NRG3: variants seen among roughly 807,000 people sequenced by gnomAD.
The protein encoded by NRG3 is neuregulin 3.
In NRG3, 31 loss-of-function variants were observed where a neutral mutation model predicts 66.9. The ratio of observed to expected loss-of-function variants is 0.46; its 90% CI spans 0.35 to 0.63. The LOEUF (loss-of-function observed/expected upper bound fraction) is 0.63, where lower values mean the gene tolerates loss of function less well. Ranked by LOEUF, NRG3 falls within the 20% of genes least tolerant of loss-of-function variation. The pLI, the probability that NRG3 is intolerant of heterozygous loss-of-function variation, is 0.00. For synonymous variants in NRG3, 393 were observed against 359.4 expected, an observed-to-expected ratio of 1.09 and a Z score of -1.06; for missense variants, 910 against 878.9, an observed-to-expected ratio of 1.04 and a Z score of -0.45.
At chr10:82,706,731 C>A (rs557402739) in intron 2 of NRG3, among the ~76,000 whole-genome samples, 3 of 152,128 alleles carry the variant, frequency 2.0e-5, no homozygotes, top group Non-Finnish European at 2.9e-5. Flanking sequence ...TGGTGGCTCA[C>A]GCCTTTAATC....
At chr10:82,893,171 A>C (rs937640676) in intron 4 of NRG3, among the ~76,000 whole-genome samples, 1 of 152,198 alleles carries the variant, frequency 6.6e-6, no homozygotes, top group Non-Finnish European at 1.5e-5. Context: ...GTTTCCAGGA[A>C]CATATCATTT....
At chr10:81,997,132 T>C (rs1402697942) in intron 1 of NRG3, among the ~76,000 whole-genome samples, 1 of 152,188 alleles carries the variant, frequency 6.6e-6, no homozygotes, top group East Asian at 1.9e-4. Flanking sequence ...GACTCATTCA[T>C]CTGCTAAGAG....
intron 1 of NRG3, among the ~76,000 whole-genome samples, chr10:82,015,624 C>T (rs1333401508): frequency 2.0e-5 from 3 of 151,932 alleles, no homozygotes; most frequent in African/African-American, 7.3e-5. Context: ...CGGCACTTCT[C>T]CTTTCTGCCA....
intron 1 of NRG3, among the ~76,000 whole-genome samples, chr10:82,325,319 C>A (rs547961918): frequency 6.6e-6 from 1 of 151,906 alleles, no homozygotes; most frequent in Admixed American, 6.6e-5. Context: ...GTAGCTGAGA[C>A]TGCAGGCATG....
chr10:82,934,656 A>G (rs1847890546), intron 4 of NRG3, among the ~76,000 whole-genome samples: 1 of 152,140 alleles, frequency 6.6e-6, no homozygotes, highest in Admixed American at 6.5e-5. Flanking sequence ...CTGGATGACA[A>G]CTTGTTTCTC....
At chr10:82,733,510 C>G (rs560442155) in intron 2 of NRG3, among the ~76,000 whole-genome samples, 1 of 152,254 alleles carries the variant, frequency 6.6e-6, no homozygotes, top group African/African-American at 2.4e-5. Flanking sequence ...ATAAGGAAGA[C>G]AGGTGCTAAG....
intron 2 of NRG3, among the ~76,000 whole-genome samples, chr10:82,724,426 T>G (rs984405356): frequency 6.6e-6 from 1 of 152,248 alleles, no homozygotes; most frequent in Non-Finnish European, 1.5e-5. Context: ...TGATCAAAGC[T>G]GCCCACTTCC....
In NRG3 at chr10:82,216,764, A is replaced by T. The variant is rs150021625; in HGVS notation, c.824-141975A>T. Among the ~76,000 whole-genome samples, 911 of 152,216 alleles carry T rather than the reference A, an allele frequency of 6.0e-3. 14 individuals carry two copies. Among genetic ancestry groups the T allele is most frequent in the Admixed American group, 0.041 (627 of 15,272 alleles). On this transcript the variant is annotated intron_variant, in intron 1 of 8. Transcript: ENST00000372141. ...ATAATCATCTCTGGTGAATCTTTCT[A>T]AACTGTGTATTTCTAAATGTTTTTA...
At chr10:82,108,962 G>A (rs1268425750) in intron 1 of NRG3, among the ~76,000 whole-genome samples, 1 of 152,088 alleles carries the variant, frequency 6.6e-6, no homozygotes, top group Non-Finnish European at 1.5e-5. Context: ...AACCTTGGGA[G>A]GGCTAACTCT....
chr10:82,836,459 A>C (rs2062780643), intron 3 of NRG3, among the ~76,000 whole-genome samples: 1 of 152,176 alleles, frequency 6.6e-6, no homozygotes. Flanking sequence ...TTACAAATGC[A>C]CAGGCAGATG....
intron 2 of NRG3, among the ~76,000 whole-genome samples, chr10:82,535,902 C>CTTTTTTT (rs34319022): frequency 7.5e-6 from 1 of 133,038 alleles, no homozygotes; most frequent in African/African-American, 2.7e-5. Flanking sequence ...TTAAAGTAGT[C>CTTTTTTT]TTTTTTTTTT....
At chr10:82,571,282 CA>C (rs1343327489) in intron 2 of NRG3, among the ~76,000 whole-genome samples, 1 of 151,074 alleles carries the variant, frequency 6.6e-6, no homozygotes, top group Non-Finnish European at 1.5e-5. Flanking sequence ...AGGGATTGAA[CA>C]AAAAAGGCAG....
At chr10:82,936,783 G>C (rs966973271) in intron 4 of NRG3, among the ~76,000 whole-genome samples, 1 of 152,120 alleles carries the variant, frequency 6.6e-6, no homozygotes, top group Non-Finnish European at 1.5e-5. Context: ...AAGACACTAT[G>C]AGCAAGTAGA....
intron 1 of NRG3, among the ~76,000 whole-genome samples, chr10:82,274,204 G>C (rs1434299322): frequency 6.6e-6 from 1 of 151,926 alleles, no homozygotes; most frequent in Non-Finnish European, 1.5e-5. Context: ...CATAAAAAGA[G>C]AACACTGACA....
At chr10:82,166,880 CAGT>C (rs780909964) in intron 1 of NRG3, 29 of 600,210 alleles carry the variant, frequency 4.8e-5, no homozygotes, top group Non-Finnish European at 8.5e-5. Context: ...ATTTTTTTCT[CAGT>C]AGTTTTTTTT....
At chr10:82,880,057 T>C (rs1038615663) in intron 4 of NRG3, among the ~76,000 whole-genome samples, 3 of 151,696 alleles carry the variant, frequency 2.0e-5, no homozygotes, top group African/African-American at 7.3e-5. Flanking sequence ...GATGAAGCTT[T>C]CAAGCACTCA....
At chr10:82,042,927 C>T (rs2063110535) in intron 1 of NRG3, among the ~76,000 whole-genome samples, 2 of 151,986 alleles carry the variant, frequency 1.3e-5, no homozygotes, top group Admixed American at 1.3e-4. Flanking sequence ...ATAATGGCAA[C>T]ATTCGCAAAA....
chr10:82,637,894 A>G (rs1186874922), intron 2 of NRG3, among the ~76,000 whole-genome samples: 1 of 146,334 alleles, frequency 6.8e-6, no homozygotes, highest in Non-Finnish European at 1.5e-5. Context: ...TAATTTCCCA[A>G]TTTTGATATT....
chr10:82,281,623 C>G (rs2079125305), intron 1 of NRG3, among the ~76,000 whole-genome samples: 1 of 152,162 alleles, frequency 6.6e-6, no homozygotes, highest in Non-Finnish European at 1.5e-5. Context: ...ACTCCAGTGG[C>G]TCCTGTAATT....
Sources: gnomAD v4.1 joint callset for allele counts (sites outside exome capture counted in the v4.1 genomes callset) on GRCh38, gnomAD v4.1.1 for gene constraint, MANE v1.5 for transcripts, NCBI Gene and HGNC (gene_info 2026-07-23, HGNC 2026-07-21) for gene names.